Variants in ADORA2B observed in about 807,000 individuals in gnomAD.
ADORA2B encodes adenosine receptor A2b.
ADORA2B carries 18 observed loss-of-function variants against 20.8 expected under a neutral mutation model. That is an observed-to-expected ratio of 0.87 (90% CI 0.60 to 1.29). ADORA2B has a LOEUF of 1.29. Ranked by LOEUF, ADORA2B falls within the 50% of genes most tolerant of loss-of-function variation. The pLI is 0.00. For missense variants in ADORA2B, 441 were observed against 422.7 expected, an observed-to-expected ratio of 1.04 and a Z score of -0.38; for synonymous variants, 179 against 178.3, an observed-to-expected ratio of 1.00 and a Z score of -0.03.
At chr17:15,969,745 G>A (rs1181296841) in intron 1 of ADORA2B, among the ~76,000 whole-genome samples, 2 of 152,200 alleles carry the variant, frequency 1.3e-5, no homozygotes, top group East Asian at 1.9e-4. Flanking sequence ...ACGTTGTCTC[G>A]AGTCAACTAC....
the ADORA2B span, among the ~76,000 whole-genome samples, chr17:15,862,512 A>G: frequency 6.6e-6 from 1 of 152,030 alleles, no homozygotes; most frequent in Non-Finnish European, 1.5e-5. Flanking sequence ...TGCCTGGCCA[A>G]CATCTCCCTT....
upstream of ADORA2B, among the ~76,000 whole-genome samples, chr17:15,942,178 TG>T (rs1969751173): frequency 6.6e-6 from 1 of 152,140 alleles, no homozygotes; most frequent in South Asian, 2.1e-4. Context: ...TCCCCAGTGT[TG>T]GAGGTGGGGC....
chr17:15,905,741 C>T, the ADORA2B span, among the ~76,000 whole-genome samples: 2 of 152,008 alleles, frequency 1.3e-5, no homozygotes, highest in East Asian at 3.9e-4. Context: ...CCACAACCTC[C>T]ACCTCCTGGG....
intron 1 of ADORA2B, among the ~76,000 whole-genome samples, chr17:15,953,679 A>C (rs1261994597): frequency 6.6e-6 from 1 of 152,242 alleles, no homozygotes; most frequent in Non-Finnish European, 1.5e-5. Flanking sequence ...CAAGAAAAAC[A>C]AGGAAGAACG....
chr17:15,945,683 GC>G, intron 1 of ADORA2B, 100 bp downstream of exon 1: 3 of 1,199,282 alleles, frequency 2.5e-6, no homozygotes, highest in South Asian at 1.6e-5. Flanking sequence ...CCCCAGACGG[GC>G]CAGGCTGGGG....
the ADORA2B span, among the ~76,000 whole-genome samples, chr17:15,877,856 A>G: frequency 6.6e-6 from 1 of 152,062 alleles, no homozygotes; most frequent in Non-Finnish European, 1.5e-5. Flanking sequence ...TACCATAGTC[A>G]GGTCTTTGCC....
chr17:15,960,098 T>C (rs929529813), intron 1 of ADORA2B, among the ~76,000 whole-genome samples: 1 of 152,036 alleles, frequency 6.6e-6, no homozygotes, highest in Admixed American at 6.5e-5. Flanking sequence ...CGAGGCCCCA[T>C]CTCTATGAAA....
chr17:15,955,925 G>T (rs935568210), intron 1 of ADORA2B, among the ~76,000 whole-genome samples: 8 of 151,900 alleles, frequency 5.3e-5, no homozygotes, highest in Non-Finnish European at 1.2e-4. Flanking sequence ...TCACCATATT[G>T]GCCAGGCTGG....
the ADORA2B span, among the ~76,000 whole-genome samples, chr17:15,868,403 G>A: frequency 7.2e-6 from 1 of 139,042 alleles, no homozygotes; most frequent in Non-Finnish European, 1.6e-5. Context: ...GATGAACAAA[G>A]TTCTTAATTT....
chr17:15,902,958 A>C, the ADORA2B span, among the ~76,000 whole-genome samples: 1 of 152,214 alleles, frequency 6.6e-6, no homozygotes, highest in Non-Finnish European at 1.5e-5. Flanking sequence ...ATAGTGTGCT[A>C]CTTTGTGATC....
chr17:15,937,568 T>C, the ADORA2B span, among the ~76,000 whole-genome samples: 1 of 148,318 alleles, frequency 6.7e-6, no homozygotes, highest in Non-Finnish European at 1.5e-5. Flanking sequence ...TTTTCTTTTT[T>C]CCTTTTCTTT....
intron 1 of ADORA2B, among the ~76,000 whole-genome samples, chr17:15,965,949 C>T (rs1379375593): frequency 6.6e-6 from 1 of 152,224 alleles, no homozygotes; most frequent in Non-Finnish European, 1.5e-5. Context: ...TCCATGGTGG[C>T]AGCCTCTTGC....
chr17:15,912,214 CA>C, the ADORA2B span, among the ~76,000 whole-genome samples: 1,303 of 75,918 alleles, frequency 0.017, 17 homozygotes, highest in African/African-American at 0.054. Context: ...GACTCTGTCT[CA>C]AAAAAAAAAA....
chr17:15,896,125 A>T, the ADORA2B span, among the ~76,000 whole-genome samples: 31 of 152,356 alleles, frequency 2.0e-4, 1 homozygote, highest in South Asian at 6.2e-3. Context: ...TCTATGCTGC[A>T]TAGAGACCTT....
chr17:15,898,380 G>A, the ADORA2B span, among the ~76,000 whole-genome samples: 1 of 151,492 alleles, frequency 6.6e-6, no homozygotes, highest in Non-Finnish European at 1.5e-5. Context: ...TGTAACCTCT[G>A]CTTTCCGGTT....
At chr17:15,867,246 A>G in the ADORA2B span, among the ~76,000 whole-genome samples, 1 of 146,106 alleles carries the variant, frequency 6.8e-6, no homozygotes, top group Non-Finnish European at 1.5e-5. Flanking sequence ...CTGGCCGCCC[A>G]TTGTCTGGGA....
the ADORA2B span, among the ~76,000 whole-genome samples, chr17:15,935,063 T>C: frequency 1.3e-5 from 2 of 152,190 alleles, no homozygotes; most frequent in African/African-American, 2.4e-5. Context: ...CACTCTGGCC[T>C]CCCAAAGTGT....
chr17:15,913,160 G>A, the ADORA2B span, among the ~76,000 whole-genome samples: 1 of 152,222 alleles, frequency 6.6e-6, no homozygotes, highest in Non-Finnish European at 1.5e-5. Context: ...TTGGCCCACA[G>A]CTGGCTCTTC....
upstream of ADORA2B, among the ~76,000 whole-genome samples, chr17:15,943,219 C>A (rs886966520): frequency 9.2e-5 from 14 of 152,188 alleles, no homozygotes; most frequent in African/African-American, 3.4e-4. Flanking sequence ...ATCATCCCAC[C>A]CAGCTAGGAG....
Sources: allele counts gnomAD v4.1 joint callset (sites outside exome capture counted in the v4.1 genomes callset), GRCh38; gene constraint gnomAD v4.1.1; transcripts MANE v1.5; gene names NCBI Gene and HGNC (gene_info 2026-07-23, HGNC 2026-07-21).